Variants in TAPT1 observed in about 807,000 individuals in gnomAD.
The protein encoded by TAPT1 is transmembrane anterior posterior transformation 1, also known as transmembrane anterior posterior transformation protein 1 homolog.
A neutral mutation model predicts 65.6 loss-of-function variants in TAPT1; 28 were observed. That is an observed-to-expected ratio of 0.43 (90% CI 0.32 to 0.59). TAPT1 has a LOEUF of 0.59. Among genes scored for constraint, TAPT1 ranks in the 20% least tolerant of loss-of-function variants. The probability of loss-of-function intolerance (pLI) is 0.09; values close to 1 mark genes in which losing one functional copy is unlikely to be tolerated. For synonymous variants in TAPT1, 278 were observed against 245.2 expected (o/e 1.13, Z -1.25); for missense variants, 563 against 679.9 (o/e 0.83, Z 1.91).
chr4:16,205,507 A>C (rs556565429), intron 2 of TAPT1, among the ~76,000 whole-genome samples: 1 of 152,314 alleles, frequency 6.6e-6, no homozygotes, highest in South Asian at 2.1e-4. Flanking sequence ...TTCACAACCC[A>C]GTGAGCTTGA....
At chr4:16,183,260 C>A (rs772164092) in intron 7 of TAPT1, 3 of 152,024 alleles carry the variant, frequency 2.0e-5, no homozygotes, top group African/African-American at 7.2e-5. Context: ...GGGTACAATG[C>A]GGACCACCTT....
intron 2 of TAPT1, among the ~76,000 whole-genome samples, chr4:16,213,262 G>C (rs1039244465): frequency 6.6e-6 from 1 of 152,308 alleles, no homozygotes; most frequent in South Asian, 2.1e-4. Context: ...ATGTAGTGCT[G>C]CTGTTACTAC....
chr4:16,224,383 G>A (rs1751430632), intron 1 of TAPT1, among the ~76,000 whole-genome samples: 1 of 152,170 alleles, frequency 6.6e-6, no homozygotes, highest in African/African-American at 2.4e-5. Flanking sequence ...CTACAGACTG[G>A]GTGCTAGCAG....
Position 16,186,645 on chromosome 4 carries a change from A to G in TAPT1, c.847-41T>C, listed in dbSNP as rs140421029. On this transcript the variant is annotated intron_variant, in intron 6 of 13. Coordinates refer to ENST00000405303, the MANE Select transcript of TAPT1 (RefSeq NM_153365.3). ...GAAATACCATCTTTATGATTATAAC[A>G]GTTTAAAAACTGGACTTGCTACTTA... The G allele has an allele frequency of 4.1e-3, 6,002 of 1,449,780 alleles. 22 individuals carry two copies. The highest frequency in any genetic ancestry group is 5.3e-3 in the Non-Finnish European group (5,603 of 1,058,306). The allele number at this position is 1,449,780 out of a possible 1,614,324, so 89.8% of individuals were successfully genotyped here.
chr4:16,178,406 G>T (rs1748485539), intron 8 of TAPT1, among the ~76,000 whole-genome samples: 1 of 152,158 alleles, frequency 6.6e-6, no homozygotes, highest in Non-Finnish European at 1.5e-5. Flanking sequence ...AAATTAAGAA[G>T]TTAATAAATG....
rs765850452 is a variant in TAPT1, at chr4:16,166,807, C to G, written c.1314-14G>C. The G allele has an allele frequency of 5.0e-6, 8 of 1,611,512 alleles. No individual in the cohort carries two copies. The African/African-American group carries it at 8.0e-5, about 16-fold the overall frequency. ...AGGGATATCAACCTAAAAACAGAAA[C>G]AAAACAAACCACATCCGTTGGAATT... On this transcript the variant is annotated splice_polypyrimidine_tract_variant and intron_variant, in intron 12 of 13. Coordinates refer to ENST00000405303, the MANE Select transcript of TAPT1 (RefSeq NM_153365.3).
At chr4:16,224,377 A>T (rs1195749828) in intron 1 of TAPT1, among the ~76,000 whole-genome samples, 1 of 152,208 alleles carries the variant, frequency 6.6e-6, no homozygotes, top group Non-Finnish European at 1.5e-5. Context: ...TCGGAGCTAC[A>T]GACTGGGTGC....
Position 16,162,996 on chromosome 4 carries a change from C to T in TAPT1, c.*312G>A, listed in dbSNP as rs758559355. On this transcript the variant is annotated 3_prime_UTR_variant, in exon 14 of 14. Transcript: ENST00000405303. The stretch of plus-strand genomic sequence containing the variant: ...AAATTCAACATTCTGGAAGCCCAGA[C>T]TGACAAAGCAAAACAGATTTTGATG... 25 of 488,576 alleles carry T rather than the reference C, an allele frequency of 5.1e-5. No homozygotes were observed. The Middle Eastern group carries it at 1.5e-3, about 30-fold the overall frequency. The allele number at this position is 488,576 out of a possible 1,614,324, so 30.3% of individuals were successfully genotyped here.
chr4:16,185,007 T>A (rs1174041575), intron 7 of TAPT1, among the ~76,000 whole-genome samples: 22 of 152,180 alleles, frequency 1.4e-4, no homozygotes, highest in Admixed American at 1.4e-3. Flanking sequence ...ATTTAGTACT[T>A]TTTGTGTGGT....
chr4:16,165,686 A>C (rs934791462), intron 13 of TAPT1, among the ~76,000 whole-genome samples: 1 of 152,100 alleles, frequency 6.6e-6, no homozygotes, highest in African/African-American at 2.4e-5. Context: ...TTCTTCCTCC[A>C]AATCTTCCAA....
chr4:16,195,645 C>A (rs549648164), intron 3 of TAPT1, among the ~76,000 whole-genome samples: 37 of 152,312 alleles, frequency 2.4e-4, no homozygotes, highest in African/African-American at 8.2e-4. Flanking sequence ...ACAAACATTT[C>A]CATTTCCATT....
intron 11 of TAPT1, among the ~76,000 whole-genome samples, chr4:16,172,715 C>T (rs1457805434): frequency 6.6e-6 from 1 of 152,138 alleles, no homozygotes; most frequent in African/African-American, 2.4e-5. Context: ...CTGGTATGAC[C>T]TTCACTTTCT....
chr4:16,207,638 G>C (rs1166810392), intron 2 of TAPT1, among the ~76,000 whole-genome samples: 2 of 152,158 alleles, frequency 1.3e-5, no homozygotes, highest in Non-Finnish European at 2.9e-5. Flanking sequence ...CTGATGCCTT[G>C]ATCAGGCCTC....
Position 16,163,244 on chromosome 4 carries a change from T to C in TAPT1, c.*64A>G, listed in dbSNP as rs1747368292. ...TTAAGTGCCATGTTTAGCATCTATTTGTCCTGGCAACACAGCACTTGTTGC... is the reference window on the plus strand; with the variant it reads ...TTAAGTGCCATGTTTAGCATCTATTCGTCCTGGCAACACAGCACTTGTTGC... On this transcript the variant is annotated 3_prime_UTR_variant, in exon 14 of 14. Transcript: ENST00000405303. The C allele has an allele frequency of 1.3e-5, 15 of 1,136,688 alleles. No individual in the cohort carries two copies. The South Asian group carries it at 1.8e-4, about 14-fold the overall frequency. The allele number at this position is 1,136,688 out of a possible 1,614,324, so 70.4% of individuals were successfully genotyped here. A position where few individuals can be genotyped will look rare whatever the true frequency, so the allele number is the denominator to read the frequency against.
intron 11 of TAPT1, among the ~76,000 whole-genome samples, chr4:16,171,585 A>G (rs1331059972): frequency 1.3e-5 from 2 of 152,218 alleles, no homozygotes; most frequent in African/African-American, 4.8e-5. Context: ...AAGACATTTA[A>G]AAATGCTTTT....
Position 16,168,206 on chromosome 4 carries a change from T to C in TAPT1, c.1314-1413A>G, listed in dbSNP as rs377609828. 2.0e-3 allele frequency among the ~76,000 whole-genome samples: 309 copies of C among 152,194 alleles called. 4 individuals carry two copies. The highest frequency in any genetic ancestry group is 0.017 in the South Asian group (80 of 4,820). Reference sequence around the variant, plus strand: ...ATCGCTCACTGCAGCCTTGAACTCCTGGGCTTAAGCAATCTCCCACCTCAG... The same window carrying C: ...ATCGCTCACTGCAGCCTTGAACTCCCGGGCTTAAGCAATCTCCCACCTCAG... On this transcript the variant is annotated intron_variant, in intron 12 of 13. Transcript: ENST00000405303.
chr4:16,221,946 T>C (rs1560194061), intron 1 of TAPT1, among the ~76,000 whole-genome samples: 2 of 152,226 alleles, frequency 1.3e-5, no homozygotes. Context: ...TCACACAGTA[T>C]ATTCAAGTTT....
chr4:16,190,232 AC>A (rs2149691503), intron 4 of TAPT1: 1 of 152,348 alleles, frequency 6.6e-6, no homozygotes, highest in East Asian at 1.9e-4. Context: ...AGCAGCCCCC[AC>A]CCCATCTGTC....
intron 13 of TAPT1, among the ~76,000 whole-genome samples, chr4:16,164,844 A>G (rs1006705979): frequency 9.2e-5 from 14 of 152,316 alleles, no homozygotes; most frequent in Admixed American, 3.3e-4. Flanking sequence ...TCTTATAATG[A>G]AAAAAATAAT....
Sources: gnomAD v4.1 joint callset for allele counts (sites outside exome capture counted in the v4.1 genomes callset) on GRCh38, gnomAD v4.1.1 for gene constraint, MANE v1.5 for transcripts, NCBI Gene and HGNC (gene_info 2026-07-23, HGNC 2026-07-21) for gene names.